The following PEMT variants were observed in gnomAD, a reference collection of about 807,000 sequenced individuals.
The protein encoded by PEMT is phosphatidylethanolamine N-methyltransferase, also known as phospholipid methyltransferase.
Under a neutral mutation model 27.4 loss-of-function variants are expected in PEMT, and 23 were observed. The observed-to-expected ratio is 0.84, with a 90% CI of 0.60 to 1.19. The LOEUF is 1.19. PEMT is among the 50% of genes most tolerant of loss of function. The pLI, the probability that PEMT is intolerant of heterozygous loss-of-function variation, is 0.00. For synonymous variants in PEMT, 137 were observed against 139.1 expected, an observed-to-expected ratio of 0.98 and a Z score of 0.11; for missense variants, 307 against 310.1, an observed-to-expected ratio of 0.99 and a Z score of 0.07.
Position 17,505,807 on chromosome 17 carries a change from G to A in PEMT, c.695C>T (p.Ser232Phe). 6.2e-7 allele frequency: 1 copy of A among 1,611,468 alleles called. No homozygotes were observed. The highest frequency in any genetic ancestry group is 1.1e-5 in the South Asian group (1 of 90,536). ...AEIYRQKASG[S>F]HKRS ...GCAGCTCAATCAGCTCCTCTTGTGGGACCCGGAGGCTTTCTGCCGGTAGAT... is the reference window on the plus strand; with the variant it reads ...GCAGCTCAATCAGCTCCTCTTGTGGAACCCGGAGGCTTTCTGCCGGTAGAT... Residue 232 changes from serine (S) to phenylalanine (F), a missense_variant, in exon 7 of 7, where the codon TCC (serine) becomes TTC (phenylalanine). Physicochemically the swap from Ser to Phe is radical, Grantham distance 155. Transcript: ENST00000255389.
Position 17,509,423 on chromosome 17 carries a change from CTGGTACT to C in PEMT, c.578+4_578+10del. The C allele has an allele frequency of 6.3e-7, 1 of 1,577,510 alleles. No homozygotes were observed. Among genetic ancestry groups the C allele is most frequent in the Non-Finnish European group, 8.7e-7 (1 of 1,147,966 alleles). Reference sequence around the variant, plus strand: ...CCAGCAGGGCAGAGGGGTGGCAAGCCTGGTACTCACATGATGGCCCAGCCCAGGTAGT... The same window carrying C: ...CCAGCAGGGCAGAGGGGTGGCAAGCCCACATGATGGCCCAGCCCAGGTAGT... On this transcript the variant is annotated splice_donor_5th_base_variant and intron_variant, in intron 5 of 6. Coordinates refer to ENST00000255389, the MANE Select transcript of PEMT (RefSeq NM_148172.3).
intron 1 of PEMT, among the ~76,000 whole-genome samples, chr17:17,589,059 C>A (rs866180848): frequency 2.0e-5 from 3 of 152,244 alleles, no homozygotes; most frequent in African/African-American, 7.2e-5. Flanking sequence ...CTACGGGGTT[C>A]AAGTGATTCT....
intron 2 of PEMT, among the ~76,000 whole-genome samples, chr17:17,552,408 T>C (rs1293097217): frequency 6.6e-6 from 1 of 152,186 alleles, no homozygotes; most frequent in Non-Finnish European, 1.5e-5. Context: ...ATCTGCCATT[T>C]GGGATTCTCA....
At chr17:17,557,310 C>G (rs55690139) in intron 2 of PEMT, among the ~76,000 whole-genome samples, 2 of 152,250 alleles carry the variant, frequency 1.3e-5, no homozygotes, top group African/African-American at 4.8e-5. Context: ...CCACCCTGTA[C>G]TGGGCTCCAC....
chr17:17,506,094 C>T, intron 6 of PEMT, 133 bp downstream of exon 6: 1 of 983,150 alleles, frequency 1.0e-6, no homozygotes, highest in South Asian at 1.7e-5. Flanking sequence ...GCCGCTCTGA[C>T]CTGGGAGCCC....
intron 2 of PEMT, among the ~76,000 whole-genome samples, chr17:17,564,167 G>A (rs1023497373): frequency 3.3e-5 from 5 of 152,166 alleles, no homozygotes; most frequent in African/African-American, 9.7e-5. Context: ...ATGCGGCATC[G>A]AACACCAGGT....
chr17:17,575,119 T>A (rs56157833), intron 2 of PEMT, among the ~76,000 whole-genome samples: 17,500 of 152,284 alleles, frequency 0.11, 1,370 homozygotes, highest in Non-Finnish European at 0.17. Context: ...TGGGCTGTGC[T>A]TCCACCAGAG....
At chr17:17,526,691 C>A (rs1049409586) in intron 2 of PEMT, among the ~76,000 whole-genome samples, 3 of 152,244 alleles carry the variant, frequency 2.0e-5, no homozygotes, top group Non-Finnish European at 4.4e-5. Context: ...ACGCCAGGAC[C>A]CATGCTTCTT....
chr17:17,524,619 TA>T lies in PEMT; in HGVS notation c.205-2225del, dbSNP rs1157247483. Among the ~76,000 whole-genome samples the T allele has an allele frequency of 2.3e-3, 328 of 145,542 alleles. 2 individuals carry two copies. Among genetic ancestry groups the T allele is most frequent in the African/African-American group, 8.1e-3 (318 of 39,306 alleles). On this transcript the variant is annotated intron_variant, in intron 2 of 6. Transcript: ENST00000255389. ...TCTCTCCAAAAAAAAAAAAAAATAA[TA>T]AAAAAAATTAAGTTAGCCAGAAGAT...
At chr17:17,590,600 G>A (rs1912539675) in intron 1 of PEMT, among the ~76,000 whole-genome samples, 1 of 152,208 alleles carries the variant, frequency 6.6e-6, no homozygotes, top group South Asian at 2.1e-4. Context: ...GTGACACGAG[G>A]CCCTCAGCCG....
Position 17,576,959 on chromosome 17 carries a change from G to C in PEMT, c.165C>G (p.Ala55=), listed in dbSNP as rs11554365. 6.2e-7 allele frequency: 1 copy of C among 1,613,920 alleles called. No individual in the cohort carries two copies. The highest frequency in any genetic ancestry group is 2.2e-5 in the East Asian group (1 of 44,886). Residue 55 remains alanine (A), a synonymous_variant, in exon 2 of 7, where the codon GCC becomes GCG. Coordinates refer to ENST00000255389, the MANE Select transcript of PEMT (RefSeq NM_148172.3). ...VDPLDPSFVA[A]VITITFNPLY... is the part of the protein sequence containing the mutation. ...GCGGATTGAAGGTGATGGTGATGAC[G>C]GCAGCCACAAAGCTGGGATCCAGGG...
intron 1 of PEMT, among the ~76,000 whole-genome samples, chr17:17,586,472 C>T (rs1338234590): frequency 1.3e-5 from 2 of 152,146 alleles, no homozygotes; most frequent in African/African-American, 4.8e-5. Context: ...AGAAAGCATA[C>T]ACAGTATGCT....
chr17:17,591,841 A>C, upstream of PEMT: 1 of 1,370,912 alleles, frequency 7.3e-7, no homozygotes. Flanking sequence ...GAGAACTACA[A>C]GTCCCAGTGT....
intron 2 of PEMT, among the ~76,000 whole-genome samples, chr17:17,552,033 C>A (rs1465976601): frequency 6.6e-6 from 1 of 152,188 alleles, no homozygotes; most frequent in Admixed American, 6.5e-5. Context: ...GAAACCCCGT[C>A]TCTACTAAAA....
chr17:17,536,819 G>T (rs1170693427), intron 2 of PEMT, among the ~76,000 whole-genome samples: 1 of 152,262 alleles, frequency 6.6e-6, no homozygotes, highest in East Asian at 1.9e-4. Context: ...CCGGGAGCAG[G>T]ATGAGGCTGG....
rs1597873016 is a variant in PEMT at position 17,513,120 on chromosome 17, G to A, written c.321-466C>T. Among the ~76,000 whole-genome samples the A allele has an allele frequency of 1.3e-5, 2 of 152,330 alleles. No homozygotes were observed. The highest frequency in any genetic ancestry group is 6.5e-5 in the Admixed American group (1 of 15,298). ...TGTCCCATTCCCCAACAGACTCAGT[G>A]CCCCGAGGCCTGGGGCATGCTCTGT... is the stretch of plus-strand genomic sequence containing the variant. On this transcript the variant is annotated intron_variant, in intron 3 of 6. Transcript: ENST00000255389. This position sits in a 1 kb window ranked among gnomAD's most constrained non-coding sequence, Gnocchi z 4.1.
intron 2 of PEMT, among the ~76,000 whole-genome samples, chr17:17,529,102 C>T (rs1410687885): frequency 2.0e-5 from 3 of 152,230 alleles, no homozygotes; most frequent in East Asian, 3.8e-4. Context: ...TCACTGCCAG[C>T]TAGGCAGGCC....
intron 2 of PEMT, among the ~76,000 whole-genome samples, chr17:17,547,360 C>T (rs998208359): frequency 6.6e-6 from 1 of 152,264 alleles, no homozygotes; most frequent in Non-Finnish European, 1.5e-5. Flanking sequence ...GCGTTCAGGG[C>T]CTCTGCCCAA....
At chr17:17,534,027 A>G (rs1239310963) in intron 2 of PEMT, among the ~76,000 whole-genome samples, 1 of 152,102 alleles carries the variant, frequency 6.6e-6, no homozygotes, top group Non-Finnish European at 1.5e-5. Flanking sequence ...CATCCAGCCC[A>G]GTTTGGCAGT....
Sources: gnomAD v4.1 joint callset for allele counts (sites outside exome capture counted in the v4.1 genomes callset) on GRCh38, gnomAD v4.1.1 for gene constraint, Gnocchi (gnomAD v3.1) non-coding constraint, MANE v1.5 for transcripts, NCBI Gene and HGNC (gene_info 2026-07-23, HGNC 2026-07-21) for gene names.